Variants in VPS13B observed in about 807,000 individuals in gnomAD.
The protein encoded by VPS13B is vacuolar protein sorting 13 homolog B.
Under a neutral mutation model 426.4 loss-of-function variants are expected in VPS13B, and 285 were observed. That is an observed-to-expected ratio of 0.67 (90% CI 0.61 to 0.74). VPS13B has a LOEUF of 0.74. Ranked by LOEUF, VPS13B falls within the 30% of genes least tolerant of loss-of-function variation. The pLI is 0.00. For missense variants in VPS13B, 4,537 were observed against 4,782.6 expected (o/e 0.95, Z 1.51); for synonymous variants, 1,676 against 1,676.4 (o/e 1.00, Z 0.01).
intron 27 of VPS13B, among the ~76,000 whole-genome samples, chr8:99,503,394 T>A (rs1489633973): frequency 1.3e-5 from 2 of 152,164 alleles, no homozygotes; most frequent in Admixed American, 1.3e-4. Flanking sequence ...TGGCAATTTT[T>A]AAAAATAAGT....
intron 44 of VPS13B, 76 bp downstream of exon 44, chr8:99,809,606 T>G: frequency 6.3e-7 from 1 of 1,581,292 alleles, no homozygotes; most frequent in Non-Finnish European, 8.7e-7. Context: ...ATTAATAATT[T>G]TTTTAAAATC....
rs148897153 is a variant in VPS13B at position 99,041,172 on chromosome 8, T to G, written c.291+2606T>G. 3.8e-4 allele frequency among the ~76,000 whole-genome samples: 58 copies of G among 152,322 alleles called. 1 individual carries two copies. The highest frequency in any genetic ancestry group is 3.4e-3 in the Middle Eastern group (1 of 294). On this transcript the variant is annotated intron_variant, in intron 3 of 61. Coordinates refer to ENST00000357162, the MANE Select transcript of VPS13B (RefSeq NM_152564.5). Reference sequence around the variant, plus strand: ...GTAAAATAAAGTCCATCTTGATGTTTACTCTGAATTTTAAAAAATATATTG... The same window carrying G: ...GTAAAATAAAGTCCATCTTGATGTTGACTCTGAATTTTAAAAAATATATTG...
chr8:99,716,428 A>G (rs1405904893), intron 36 of VPS13B, among the ~76,000 whole-genome samples: 1 of 152,142 alleles, frequency 6.6e-6, no homozygotes, highest in South Asian at 2.1e-4. Context: ...GCTCCTTGGG[A>G]GGAAAGTTAA....
chr8:99,462,165 T>TCTCCCTCC (rs749272314), intron 23 of VPS13B, among the ~76,000 whole-genome samples: 5 of 148,944 alleles, frequency 3.4e-5, no homozygotes, highest in African/African-American at 1.2e-4. Context: ...TCCCTCCCTT[T>TCTCCCTCC]CTCCCTCCCT....
intron 56 of VPS13B, 43 bp from the exon 57 acceptor site, chr8:99,859,261 G>T: frequency 1.2e-6 from 2 of 1,610,396 alleles, no homozygotes; most frequent in Non-Finnish European, 8.5e-7. Flanking sequence ...TGAAAGTTCT[G>T]CATTTGAGGT....
At chr8:99,512,867 G>A (rs1451203828) in intron 29 of VPS13B, among the ~76,000 whole-genome samples, 1 of 152,042 alleles carries the variant, frequency 6.6e-6, no homozygotes, top group African/African-American at 2.4e-5. Context: ...AAATTAGCCA[G>A]GCGTGGTGGC....
At chr8:99,387,552 A>T (rs1162304260) in intron 20 of VPS13B, among the ~76,000 whole-genome samples, 1 of 152,132 alleles carries the variant, frequency 6.6e-6, no homozygotes, top group Non-Finnish European at 1.5e-5. Flanking sequence ...AGTTGATAGC[A>T]TTGTTATTTT....
chr8:99,400,333 C>T (rs1814966407), intron 21 of VPS13B, among the ~76,000 whole-genome samples: 1 of 152,182 alleles, frequency 6.6e-6, no homozygotes, highest in African/African-American at 2.4e-5. Flanking sequence ...TTTCCTTCAG[C>T]ACAGCTGAGG....
chr8:99,663,022 G>A (rs1167003453), intron 35 of VPS13B, among the ~76,000 whole-genome samples: 4 of 151,960 alleles, frequency 2.6e-5, no homozygotes, highest in African/African-American at 9.7e-5. Flanking sequence ...ACGCCACTGC[G>A]CTCCAGCTTG....
At chr8:99,587,821 T>A (rs1366063173) in intron 33 of VPS13B, among the ~76,000 whole-genome samples, 2 of 151,836 alleles carry the variant, frequency 1.3e-5, no homozygotes, top group African/African-American at 2.4e-5. Flanking sequence ...AGCCCTTTAG[T>A]TTAATTAGAT....
rs184081234 is a variant in VPS13B, at chr8:99,242,278, C to T, written c.2516-31920C>T. The stretch of plus-strand genomic sequence containing the variant: ...GGATTATAGGCATGAGCCACCGCGC[C>T]AGGCCCATATATAATTGGTTTCTAA... On this transcript the variant is annotated intron_variant, in intron 17 of 61. Transcript: ENST00000357162. Among the ~76,000 whole-genome samples the T allele has an allele frequency of 2.8e-3, 426 of 152,194 alleles. 1 individual carries two copies. The highest frequency in any genetic ancestry group is 4.7e-3 in the Non-Finnish European group (321 of 68,002).
chr8:99,110,897 A>C (rs148851194), intron 5 of VPS13B, among the ~76,000 whole-genome samples: 23 of 152,080 alleles, frequency 1.5e-4, no homozygotes, highest in African/African-American at 5.5e-4. Flanking sequence ...AATTGTGCCT[A>C]TTTCATAAAG....
intron 30 of VPS13B, among the ~76,000 whole-genome samples, chr8:99,539,494 C>T (rs748717870): frequency 2.0e-5 from 3 of 152,056 alleles, no homozygotes; most frequent in Non-Finnish European, 4.4e-5. Context: ...GCCTGTAATT[C>T]CAGCATTTTG....
chr8:99,559,268 G>C (rs977127337), intron 31 of VPS13B, among the ~76,000 whole-genome samples: 2 of 152,066 alleles, frequency 1.3e-5, no homozygotes, highest in African/African-American at 4.8e-5. Flanking sequence ...ATTTTTTGTT[G>C]TAAATTTGTT....
At chr8:99,416,261 C>A (rs573995503) in intron 21 of VPS13B, among the ~76,000 whole-genome samples, 1 of 152,134 alleles carries the variant, frequency 6.6e-6, no homozygotes, top group Non-Finnish European at 1.5e-5. Flanking sequence ...TGGATGCCCC[C>A]GCCCCCCCAC....
intron 39 of VPS13B, among the ~76,000 whole-genome samples, chr8:99,731,680 G>C (rs1300285130): frequency 2.0e-5 from 3 of 152,140 alleles, no homozygotes; most frequent in Non-Finnish European, 4.4e-5. Flanking sequence ...AGGAGAAAAA[G>C]AAATGAATGC....
At chr8:99,607,967 A>T (rs1346478591) in intron 33 of VPS13B, among the ~76,000 whole-genome samples, 1 of 152,114 alleles carries the variant, frequency 6.6e-6, no homozygotes, top group Admixed American at 6.6e-5. Context: ...AGACAGCTAG[A>T]TTCCTTTATT....
chr8:99,266,783 C>T (rs548292245), intron 17 of VPS13B, among the ~76,000 whole-genome samples: 1 of 152,264 alleles, frequency 6.6e-6, no homozygotes, highest in South Asian at 2.1e-4. Flanking sequence ...AGCTCTTCTC[C>T]CTCCTGCTGC....
intron 51 of VPS13B, among the ~76,000 whole-genome samples, chr8:99,826,883 T>C (rs1206790628): frequency 6.6e-6 from 1 of 152,160 alleles, no homozygotes; most frequent in African/African-American, 2.4e-5. Context: ...TATTGATTTG[T>C]GTGTGTTGAA....
Sources: allele counts gnomAD v4.1 joint callset (sites outside exome capture counted in the v4.1 genomes callset), GRCh38; gene constraint gnomAD v4.1.1; transcripts MANE v1.5; gene names NCBI Gene and HGNC (gene_info 2026-07-23, HGNC 2026-07-21).